WIPI1: variants seen among roughly 807,000 people sequenced by gnomAD.
WIPI1 encodes WD repeat domain phosphoinositide-interacting protein 1.
In WIPI1, 45 loss-of-function variants were observed where a neutral mutation model predicts 55.3. That is an observed-to-expected ratio of 0.81 (90% CI 0.64 to 1.04). The LOEUF (loss-of-function observed/expected upper bound fraction) is 1.04. WIPI1 is among the 50% of genes least tolerant of loss of function. The probability of loss-of-function intolerance (pLI) is 0.00; values close to 1 mark genes in which losing one functional copy is unlikely to be tolerated. For missense variants in WIPI1, 445 were observed against 559.0 expected, an observed-to-expected ratio of 0.80 and a Z score of 2.06; for synonymous variants, 195 against 217.6, an observed-to-expected ratio of 0.90 and a Z score of 0.92.
At chr17:68,424,430 C>T (rs768935510) in intron 12 of WIPI1, 2 of 534,614 alleles carry the variant, frequency 3.7e-6, no homozygotes, top group Admixed American at 1.9e-5. Flanking sequence ...AGAAGCCAGA[C>T]CTGCACTCCA....
chr17:68,428,931 T>C lies in WIPI1; in HGVS notation c.971A>G (p.Gln324Arg). 6.2e-7 allele frequency: 1 copy of C among 1,613,582 alleles called. No homozygotes were observed. The highest frequency in any genetic ancestry group is 8.5e-7 in the Non-Finnish European group (1 of 1,179,712). ...CGCAACTAGCAGCCGTGGCAACTTC[T>C]GGATCCTAAGGGCCAAGGAAAACAT... ...QRNICTLSTI[Q>R]KLPRLLVASS... Residue 324 changes from glutamine to arginine, a missense_variant, in exon 10 of 13, where the codon CAG becomes CGG. Coordinates refer to ENST00000262139, the MANE Select transcript of WIPI1 (RefSeq NM_017983.7).
intron 11 of WIPI1, 51 bp downstream of exon 11, chr17:68,427,084 G>T (rs768629032): frequency 6.8e-7 from 1 of 1,469,716 alleles, no homozygotes; most frequent in African/African-American, 1.4e-5. Context: ...GGGAGAAGGG[G>T]AGGGAGGTCA....
intron 7 of WIPI1, 45 bp downstream of exon 7, chr17:68,434,511 G>A (rs2083688799): frequency 6.2e-7 from 1 of 1,606,478 alleles, no homozygotes; most frequent in Non-Finnish European, 8.5e-7. Flanking sequence ...GTCCCTGCGG[G>A]ACTTCTGCGG....
chr17:68,453,857 A>G (rs1436283647), intron 1 of WIPI1, among the ~76,000 whole-genome samples: 1 of 152,166 alleles, frequency 6.6e-6, no homozygotes, highest in South Asian at 2.1e-4. Flanking sequence ...TTCCAGAAAA[A>G]TGTCCTGATA....
Position 68,433,456 on chromosome 17 carries a change from C to T in WIPI1, c.800+12G>A, listed in dbSNP as rs139377150. 1.7e-5 allele frequency: 28 copies of T among 1,612,038 alleles called. No homozygotes were observed. In the South Asian group the frequency reaches 2.0e-4, roughly 11 times the overall value. On this transcript the variant is annotated intron_variant, in intron 8 of 12. Coordinates refer to ENST00000262139, the MANE Select transcript of WIPI1 (RefSeq NM_017983.7). ...CGTTTAATGAGCATTTGGTGCCCCG[C>T]GGAGTACTTGCCTGTTGGTGACCTG...
chr17:68,454,116 C>T (rs936919664), intron 1 of WIPI1, among the ~76,000 whole-genome samples: 2 of 152,222 alleles, frequency 1.3e-5, no homozygotes, highest in African/African-American at 4.8e-5. Flanking sequence ...GAGATAAAGA[C>T]AGGACGTGAA....
intron 3 of WIPI1, among the ~76,000 whole-genome samples, chr17:68,445,572 C>T (rs1050640102): frequency 6.6e-6 from 1 of 152,236 alleles, no homozygotes; most frequent in Non-Finnish European, 1.5e-5. Flanking sequence ...CTCTCTGGTG[C>T]TTGCTCTCCC....
intron 2 of WIPI1, among the ~76,000 whole-genome samples, chr17:68,451,161 G>A (rs557520083): frequency 5.3e-5 from 8 of 152,350 alleles, no homozygotes; most frequent in South Asian, 4.1e-4. Flanking sequence ...CTGGCATGGC[G>A]GCTCACGCCT....
intron 3 of WIPI1, 44 bp from the exon 4 acceptor site, chr17:68,444,633 A>G (rs2084209986): frequency 6.5e-7 from 1 of 1,526,954 alleles, no homozygotes; most frequent in Non-Finnish European, 9.0e-7. Context: ...CGTTCCTTAC[A>G]AAGACCCTGA....
chr17:68,436,364 A>G lies in WIPI1; in HGVS notation c.528+18T>C, dbSNP rs774659362. On this transcript the variant is annotated intron_variant, in intron 5 of 12. Transcript: ENST00000262139. ...CCAAGGCAGGTGGGTTGGCTCAGCC[A>G]GGTCACCGTCAACTTACCAGGGAGT... The G allele has an allele frequency of 6.2e-7, 1 of 1,611,874 alleles. No homozygotes were observed. Among genetic ancestry groups the G allele is most frequent in the Admixed American group, 1.7e-5 (1 of 60,002 alleles).
At chr17:68,440,194 A>C (rs1417784591) in intron 4 of WIPI1, among the ~76,000 whole-genome samples, 2 of 152,182 alleles carry the variant, frequency 1.3e-5, no homozygotes, top group African/African-American at 4.8e-5. Context: ...TTAGACAAGG[A>C]ATCCTGCCTT....
intron 3 of WIPI1, among the ~76,000 whole-genome samples, chr17:68,446,750 C>T (rs2084301669): frequency 6.6e-6 from 1 of 152,214 alleles, no homozygotes; most frequent in East Asian, 1.9e-4. Context: ...GGGGCCTTGA[C>T]ATATGCCTCT....
At chr17:68,457,184 G>A (rs1325498559) in intron 1 of WIPI1, among the ~76,000 whole-genome samples, 158 bp downstream of exon 1, 1 of 152,150 alleles carries the variant, frequency 6.6e-6, no homozygotes, top group East Asian at 1.9e-4. Flanking sequence ...CACTGAAGGG[G>A]TACGGGGATA....
chr17:68,450,712 G>A lies in WIPI1; in HGVS notation c.333+16C>T. On this transcript the variant is annotated intron_variant, in intron 3 of 12. Transcript: ENST00000262139. ...TTAGCAGAAGCTTTGAAACCCTGAG[G>A]GATTTCCCCACTTACTTGCCGGTTC... is the stretch of plus-strand genomic sequence containing the variant. 6.3e-7 allele frequency: 1 copy of A among 1,599,488 alleles called. No individual in the cohort carries two copies. The highest frequency in any genetic ancestry group is 8.5e-7 in the Non-Finnish European group (1 of 1,173,778).
intron 10 of WIPI1, 44 bp downstream of exon 10, chr17:68,428,785 G>T: frequency 1.4e-6 from 2 of 1,480,474 alleles, no homozygotes; most frequent in South Asian, 2.3e-5. Flanking sequence ...AACTCTACAC[G>T]ACCAGCTCTC....
Position 68,421,355 on chromosome 17 carries a change from CA to C in WIPI1, c.*417del. The C allele has an allele frequency of 1.2e-5, 2 of 165,874 alleles. No homozygotes were observed. Among genetic ancestry groups the C allele is most frequent in the African/African-American group, 2.4e-5 (1 of 42,010 alleles). The allele number at this position is 165,874 out of a possible 1,614,324, so 10.3% of individuals were successfully genotyped here. A position where few individuals can be genotyped will look rare whatever the true frequency, so the allele number is the denominator to read the frequency against. ...ATAAATGATTTATTCCAGCCACAGC[CA>C]AAAAAGACTTTGCCTGGCTAAAAGA... is the stretch of plus-strand genomic sequence containing the variant. On this transcript the variant is annotated 3_prime_UTR_variant, in exon 13 of 13. Transcript: ENST00000262139.
At position 68,423,090 on chromosome 17, in the gene WIPI1, GT is replaced by G. The variant is rs1309474419; in HGVS notation, c.1294-1271del. On this transcript the variant is annotated intron_variant, in intron 12 of 12. Transcript: ENST00000262139. This position sits in a 1 kb window ranked among gnomAD's most constrained non-coding sequence, Gnocchi z 4.4. ...TAGCAGACTACTCAGGCAAGCCTAT[GT>G]TTGTTCGTCACTACAAGAGAGGCGA... 2.0e-5 allele frequency among the ~76,000 whole-genome samples: 3 copies of G among 152,278 alleles called. No individual in the cohort carries two copies. The highest frequency in any genetic ancestry group is 4.4e-5 in the Non-Finnish European group (3 of 68,022).
chr17:68,435,015 AAC>A (rs1230031140), intron 6 of WIPI1, among the ~76,000 whole-genome samples: 1 of 152,126 alleles, frequency 6.6e-6, no homozygotes, highest in Non-Finnish European at 1.5e-5. Flanking sequence ...CAGCCTGGGC[AAC>A]ACAGTGAAGT....
At chr17:68,426,501 T>C (rs1401556166) in intron 11 of WIPI1, among the ~76,000 whole-genome samples, 1 of 152,130 alleles carries the variant, frequency 6.6e-6, no homozygotes, top group Admixed American at 6.6e-5. Context: ...ACTTCCTGAG[T>C]GGCTAGGACT....
Sources: gnomAD v4.1 joint callset for allele counts (sites outside exome capture counted in the v4.1 genomes callset) on GRCh38, gnomAD v4.1.1 for gene constraint, Gnocchi (gnomAD v3.1) non-coding constraint, MANE v1.5 for transcripts, NCBI Gene and HGNC (gene_info 2026-07-23, HGNC 2026-07-21) for gene names.